SLC39A14: variants seen among roughly 807,000 people sequenced by gnomAD.
SLC39A14 encodes solute carrier family 39 member 14.
In SLC39A14, 19 loss-of-function variants were observed where a neutral mutation model predicts 45.5. That is an observed-to-expected ratio of 0.42 (90% CI 0.29 to 0.61). The LOEUF (loss-of-function observed/expected upper bound fraction) is 0.61. Ranked by LOEUF, SLC39A14 falls within the 20% of genes least tolerant of loss-of-function variation. The probability of loss-of-function intolerance (pLI) is 0.22; values close to 1 mark genes in which losing one functional copy is unlikely to be tolerated. For missense variants in SLC39A14, 447 were observed against 616.5 expected (o/e 0.73, Z 2.91); for synonymous variants, 264 against 251.3 (o/e 1.05, Z -0.48).
chr8:22,401,111 A>G (rs1834826993), intron 1 of SLC39A14, among the ~76,000 whole-genome samples: 1 of 152,186 alleles, frequency 6.6e-6, no homozygotes, highest in Non-Finnish European at 1.5e-5. Context: ...AATTCAAGGT[A>G]GGTTTGTCTG....
At chr8:22,424,012 G>A (rs994941723), downstream of SLC39A14, among the ~76,000 whole-genome samples, 25 of 149,164 alleles carry the variant, frequency 1.7e-4, no homozygotes, top group Admixed American at 1.5e-3. Flanking sequence ...ATCTTGCTAC[G>A]TTGCCCAAGC....
In SLC39A14 at chr8:22,420,748, T is replaced by G; in HGVS notation, c.*1050T>G. ...GCAGGCAAAATTTAGGATTTGCCGCTTCCATAAATCAAAGCATGACTAATA... is the reference window on the plus strand; with the variant it reads ...GCAGGCAAAATTTAGGATTTGCCGCGTCCATAAATCAAAGCATGACTAATA... On this transcript the variant is annotated 3_prime_UTR_variant, in exon 9 of 9. Coordinates refer to ENST00000381237, the MANE Select transcript of SLC39A14 (RefSeq NM_001128431.4). 1 of 985,388 alleles carries G rather than the reference T, an allele frequency of 1.0e-6. No individual in the cohort carries two copies. The highest frequency in any genetic ancestry group is 1.2e-6 in the Non-Finnish European group (1 of 829,928). The allele number at this position is 985,388 out of a possible 1,614,324, so 61.0% of individuals were successfully genotyped here.
In SLC39A14 at chr8:22,419,589, G is replaced by C. The variant is rs1402218858; in HGVS notation, c.1370G>C (p.Arg457Thr). Reference protein sequence around the residue: ...EMNEVCQEDERKGSILIPFII... With the variant: ...EMNEVCQEDETKGSILIPFII... ...AATGAGGTCTGTCAAGAGGATGAAA[G>C]GAAGGGCAGCATCTTGATTCCATTT... The change falls in exon 9 of 9, where the codon AGG (arginine) becomes ACG (threonine). Residue 457 changes from arginine to threonine, a missense_variant. Arg to Thr is a moderately conservative substitution (Grantham distance 71). This residue lies in a region of SLC39A14 where 105 missense variants were observed against 188.4 expected (regional missense o/e 0.56). Coordinates refer to ENST00000381237, the MANE Select transcript of SLC39A14 (RefSeq NM_001128431.4). 1 of 1,614,092 alleles carries C rather than the reference G, an allele frequency of 6.2e-7. No homozygotes were observed. Among genetic ancestry groups the C allele is most frequent in the Non-Finnish European group, 8.5e-7 (1 of 1,179,994 alleles).
chr8:22,377,341 T>C (rs1304198705), intron 1 of SLC39A14, among the ~76,000 whole-genome samples: 1 of 152,154 alleles, frequency 6.6e-6, no homozygotes, highest in African/African-American at 2.4e-5. Context: ...ATCTTGTAAC[T>C]TCGCTGCCCC....
chr8:22,409,924 G>A (rs368739877), intron 3 of SLC39A14: 30 of 1,613,100 alleles, frequency 1.9e-5, no homozygotes, highest in African/African-American at 4.0e-5. Context: ...AGAGGCCCTC[G>A]TCTGTTCTTG....
Position 22,419,761 on chromosome 8 carries a change from G to A in SLC39A14, c.*63G>A, listed in dbSNP as rs1164242300. 16 of 1,509,402 alleles carry A rather than the reference G, an allele frequency of 1.1e-5. No individual in the cohort carries two copies. The highest frequency in any genetic ancestry group is 2.3e-5 in the Admixed American group (1 of 43,744). The allele number at this position is 1,509,402 out of a possible 1,614,324, so 93.5% of individuals were successfully genotyped here. A position where few individuals can be genotyped will look rare whatever the true frequency, so the allele number is the denominator to read the frequency against. Reference sequence around the variant, plus strand: ...CTGGGCTGCCCGATCGCCAGCCCGAGGACTTACCATCCACAATGCACCACG... The same window carrying A: ...CTGGGCTGCCCGATCGCCAGCCCGAAGACTTACCATCCACAATGCACCACG... On this transcript the variant is annotated 3_prime_UTR_variant, in exon 9 of 9. Coordinates refer to ENST00000381237, the MANE Select transcript of SLC39A14 (RefSeq NM_001128431.4).
chr8:22,408,678 G>GCCTA (rs1835376370), intron 3 of SLC39A14, among the ~76,000 whole-genome samples, 182 bp downstream of exon 3: 1 of 152,210 alleles, frequency 6.6e-6, no homozygotes, highest in South Asian at 2.1e-4. Context: ...TGCAAGGATG[G>GCCTA]CCTAGCACAT....
At chr8:22,385,755 G>A (rs1200773869) in intron 1 of SLC39A14, among the ~76,000 whole-genome samples, 1 of 152,116 alleles carries the variant, frequency 6.6e-6, no homozygotes, top group Non-Finnish European at 1.5e-5. Flanking sequence ...CTAGCACTTT[G>A]GGAGGATGAG....
intron 2 of SLC39A14, among the ~76,000 whole-genome samples, chr8:22,406,197 C>T (rs755586559): frequency 2.6e-5 from 4 of 152,178 alleles, no homozygotes; most frequent in Non-Finnish European, 5.9e-5. Context: ...GCCTGTAATC[C>T]CAGCACTTTG....
Position 22,404,648 on chromosome 8 carries a change from C to T in SLC39A14, c.-15-48C>T, listed in dbSNP as rs528359407. The T allele has an allele frequency of 5.5e-5, 86 of 1,566,134 alleles. No homozygotes were observed. In the Middle Eastern group the frequency reaches 6.8e-4, roughly 12 times the overall value. ...TGGCGGGCGGGCCTGGCGCAGTTGCCGGCACACAGGGAGAGGCCTCAGCTT... is the reference window on the plus strand; with the variant it reads ...TGGCGGGCGGGCCTGGCGCAGTTGCTGGCACACAGGGAGAGGCCTCAGCTT... On this transcript the variant is annotated intron_variant, in intron 1 of 8. Transcript: ENST00000381237.
chr8:22,385,005 G>A (rs1833715096), intron 1 of SLC39A14, among the ~76,000 whole-genome samples: 2 of 152,088 alleles, frequency 1.3e-5, no homozygotes, highest in East Asian at 1.9e-4. Flanking sequence ...AGCTGAGATC[G>A]CGCCACTGCA....
chr8:22,396,082 C>T (rs1834365787), intron 1 of SLC39A14, among the ~76,000 whole-genome samples: 1 of 152,012 alleles, frequency 6.6e-6, no homozygotes, highest in Admixed American at 6.6e-5. Context: ...AGAAGGCACA[C>T]TTGGCCAGGC....
At chr8:22,416,030 C>T (rs1835858225) in intron 6 of SLC39A14, 43 bp from the exon 7 acceptor site, 2 of 1,610,202 alleles carry the variant, frequency 1.2e-6, no homozygotes, top group Non-Finnish European at 1.7e-6. Context: ...GCACATGGTC[C>T]AGCCTTTGAC....
chr8:22,416,638 CG>C (rs1835901146), intron 7 of SLC39A14, among the ~76,000 whole-genome samples: 1 of 150,752 alleles, frequency 6.6e-6, no homozygotes, highest in African/African-American at 2.4e-5. Flanking sequence ...GGTTTCACTA[CG>C]TTGGCCAGGC....
chr8:22,387,081 G>A (rs1417371135), intron 1 of SLC39A14, among the ~76,000 whole-genome samples: 1 of 151,966 alleles, frequency 6.6e-6, no homozygotes, highest in Non-Finnish European at 1.5e-5. Flanking sequence ...GCTGAGGTGG[G>A]AGGATCGCTT....
Position 22,422,679 on chromosome 8 carries a change from T to C in SLC39A14, c.*2981T>C. 2.0e-6 allele frequency: 2 copies of C among 985,142 alleles called. No individual in the cohort carries two copies. The highest frequency in any genetic ancestry group is 2.4e-6 in the Non-Finnish European group (2 of 829,648). The allele number at this position is 985,142 out of a possible 1,614,324, so 61.0% of individuals were successfully genotyped here. A position where few individuals can be genotyped will look rare whatever the true frequency, so the allele number is the denominator to read the frequency against. ...TAAATAAAGCTATATTCTGTAATTG[T>C]TGAGAATCCCACGGGTGATCATTTG... is the stretch of plus-strand genomic sequence containing the variant. On this transcript the variant is annotated 3_prime_UTR_variant, in exon 9 of 9. Coordinates refer to ENST00000381237, the MANE Select transcript of SLC39A14 (RefSeq NM_001128431.4).
At chr8:22,425,774 G>A (rs1192666598), downstream of SLC39A14, among the ~76,000 whole-genome samples, 1 of 146,558 alleles carries the variant, frequency 6.8e-6, no homozygotes, top group South Asian at 2.3e-4. Context: ...TGATCCAGCA[G>A]TGGGTCAGAT....
Position 22,381,475 on chromosome 8 carries a change from T to C in SLC39A14, c.-16+14067T>C, listed in dbSNP as rs1372384335. On this transcript the variant is annotated intron_variant, in intron 1 of 8. Transcript: ENST00000381237. The stretch of plus-strand genomic sequence containing the variant: ...TTAGTAGAGATGGGGTTTCACCGAG[T>C]TAGACAGGATGGTCTCGATCTCCTG... Among the ~76,000 whole-genome samples the C allele has an allele frequency of 2.5e-4, 34 of 138,630 alleles. No individual in the cohort carries two copies. The Middle Eastern group carries it at 0.022, about 88-fold the overall frequency. The allele number at this position is 138,630 out of a possible 152,430, so 90.9% of individuals were successfully genotyped here.
chr8:22,399,227 G>A (rs546520889), intron 1 of SLC39A14, among the ~76,000 whole-genome samples: 9 of 152,318 alleles, frequency 5.9e-5, no homozygotes, highest in East Asian at 3.9e-4. Flanking sequence ...GGCCATGCGC[G>A]CGGACCCCTG....
Sources: gnomAD v4.1 joint callset for allele counts (sites outside exome capture counted in the v4.1 genomes callset) on GRCh38, gnomAD v4.1.1 for gene constraint, gnomAD v4.1.1 regional missense constraint, MANE v1.5 for transcripts, NCBI Gene and HGNC (gene_info 2026-07-23, HGNC 2026-07-21) for gene names.